GARRE1: variants seen among roughly 807,000 people sequenced by gnomAD.
GARRE1 encodes the protein granule associated Rac and RHOG effector protein 1.
A neutral mutation model predicts 103.2 loss-of-function variants in GARRE1; 49 were observed. The observed-to-expected ratio is 0.47, with a 90% CI of 0.38 to 0.60. The LOEUF (loss-of-function observed/expected upper bound fraction) is 0.60. GARRE1 is among the 20% of genes least tolerant of loss of function. GARRE1 has a pLI of 0.00. For missense variants in GARRE1, 1,199 were observed against 1,370.5 expected (o/e 0.87, Z 1.98); for synonymous variants, 505 against 532.8 (o/e 0.95, Z 0.72).
chr19:34,351,211 A>T (rs549970186), intron 12 of GARRE1, among the ~76,000 whole-genome samples: 22 of 149,698 alleles, frequency 1.5e-4, no homozygotes, highest in South Asian at 1.3e-3. Flanking sequence ...AAAAAAAAAA[A>T]AATAAAATAA....
intron 2 of GARRE1, among the ~76,000 whole-genome samples, chr19:34,308,134 T>A (rs1211797653): frequency 6.6e-6 from 1 of 151,678 alleles, no homozygotes. Context: ...TGGATAGATA[T>A]ATACCAGAAA....
At chr19:34,348,141 A>G (rs1329844668) in intron 11 of GARRE1, 99 bp downstream of exon 11, 2 of 1,075,700 alleles carry the variant, frequency 1.9e-6, no homozygotes, top group African/African-American at 1.6e-5. Context: ...CATTCTTTTC[A>G]GGCAGTTCAA....
chr19:34,348,060 C>A lies in GARRE1; in HGVS notation c.2687+18C>A. ...ACAGAAGGGTGAGTGCTGGGTACTT[C>A]AGGGAATCTGAGCTTGAGACCCAGG... On this transcript the variant is annotated intron_variant, in intron 11 of 13. Coordinates refer to ENST00000299505, the MANE Select transcript of GARRE1 (RefSeq NM_014686.5). The A allele has an allele frequency of 1.4e-6, 2 of 1,401,862 alleles. No individual in the cohort carries two copies. The highest frequency in any genetic ancestry group is 1.9e-6 in the Non-Finnish European group (2 of 1,066,868). The allele number at this position is 1,401,862 out of a possible 1,614,324, so 86.8% of individuals were successfully genotyped here.
At chr19:34,307,166 C>T (rs1193623813) in intron 2 of GARRE1, among the ~76,000 whole-genome samples, 2 of 152,078 alleles carry the variant, frequency 1.3e-5, no homozygotes, top group African/African-American at 4.8e-5. Context: ...AGGGGCCACT[C>T]TGGTGTCTGT....
intron 11 of GARRE1, 26 bp downstream of exon 11, chr19:34,348,068 C>T: frequency 7.2e-7 from 1 of 1,393,152 alleles, no homozygotes; most frequent in Non-Finnish European, 9.4e-7. Context: ...TTCAGGGAAT[C>T]TGAGCTTGAG....
intron 2 of GARRE1, among the ~76,000 whole-genome samples, chr19:34,307,581 GTA>G (rs1166082634): frequency 1.4e-5 from 2 of 144,844 alleles, no homozygotes; most frequent in East Asian, 4.0e-4. Flanking sequence ...ATATATGTAT[GTA>G]TATATATACA....
intron 2 of GARRE1, among the ~76,000 whole-genome samples, chr19:34,313,353 T>A (rs2074045340): frequency 6.6e-6 from 1 of 152,064 alleles, no homozygotes; most frequent in Non-Finnish European, 1.5e-5. Context: ...AGGAAGGAAA[T>A]GAAGCAAGGG....
At chr19:34,321,181 C>T (rs1230383199) in intron 3 of GARRE1, among the ~76,000 whole-genome samples, 6 of 148,082 alleles carry the variant, frequency 4.1e-5, no homozygotes, top group South Asian at 2.1e-4. Flanking sequence ...CTCGGCCTCC[C>T]GAGTAGCTGG....
At chr19:34,326,247 A>G (rs1433757914) in intron 3 of GARRE1, among the ~76,000 whole-genome samples, 1 of 152,234 alleles carries the variant, frequency 6.6e-6, no homozygotes, top group Non-Finnish European at 1.5e-5. Context: ...TTACGGCATT[A>G]TAGCTGCTAG....
At chr19:34,323,023 CTTTTTTTTTTT>C (rs71165649) in intron 3 of GARRE1, among the ~76,000 whole-genome samples, 2 of 66,666 alleles carry the variant, frequency 3.0e-5, no homozygotes, top group Non-Finnish European at 5.4e-5. Flanking sequence ...TATTTCTTTT[CTTTTTTTTTTT>C]TTTTTTTTTT....
At chr19:34,347,624 G>A (rs2074218085) in intron 10 of GARRE1, among the ~76,000 whole-genome samples, 1 of 152,134 alleles carries the variant, frequency 6.6e-6, no homozygotes, top group Non-Finnish European at 1.5e-5. Flanking sequence ...TTCACACTTA[G>A]CCTGCCTCTA....
In GARRE1 at chr19:34,355,355, T is replaced by G. The variant is rs2074266541; in HGVS notation, c.*2400T>G. ...CACTGGTAATTCCAGGTGCTGCGCT[T>G]GGCAGAGGGGTCTCGCCAAAGCGCA... On this transcript the variant is annotated 3_prime_UTR_variant, in exon 14 of 14. Transcript: ENST00000299505. The G allele has an allele frequency of 6.5e-6, 1 of 152,714 alleles. No homozygotes were observed. The highest frequency in any genetic ancestry group is 6.5e-5 in the Admixed American group (1 of 15,288). The allele number at this position is 152,714 out of a possible 1,614,324, so 9.5% of individuals were successfully genotyped here.
intron 10 of GARRE1, among the ~76,000 whole-genome samples, chr19:34,343,121 A>T: frequency 6.6e-6 from 1 of 152,220 alleles, no homozygotes; most frequent in South Asian, 2.1e-4. Context: ...TCTAAGCTTG[A>T]TTAAGGGAGA....
chr19:34,268,988 A>G (rs1041373485), intron 1 of GARRE1, among the ~76,000 whole-genome samples: 1 of 152,190 alleles, frequency 6.6e-6, no homozygotes, highest in Non-Finnish European at 1.5e-5. Flanking sequence ...TTCTTTATCT[A>G]TATTACTACT....
In GARRE1 at chr19:34,278,896, T is replaced by G. The variant is rs543113498; in HGVS notation, c.-795-20783T>G. Reference sequence around the variant, plus strand: ...CATGTTGCCCAGGCTAGTCTCAAACTGGCCTCAAGCGATCTTCCTACCTCA... The same window carrying G: ...CATGTTGCCCAGGCTAGTCTCAAACGGGCCTCAAGCGATCTTCCTACCTCA... On this transcript the variant is annotated intron_variant, in intron 1 of 13. Transcript: ENST00000299505. 3.9e-5 allele frequency among the ~76,000 whole-genome samples: 6 copies of G among 152,196 alleles called. No individual in the cohort carries two copies. In the South Asian group the frequency reaches 1.2e-3, roughly 32 times the overall value.
intron 2 of GARRE1, among the ~76,000 whole-genome samples, chr19:34,310,835 C>T (rs752235130): frequency 1.3e-5 from 2 of 152,192 alleles, no homozygotes; most frequent in African/African-American, 4.8e-5. Flanking sequence ...GGCCAGCCCT[C>T]ATACCAGAAC....
intron 1 of GARRE1, chr19:34,296,431 C>T (rs1486075308): frequency 3.8e-6 from 6 of 1,587,018 alleles, no homozygotes; most frequent in Non-Finnish European, 5.1e-6. Flanking sequence ...GCACACTTCC[C>T]AAGCTTGGGG....
chr19:34,255,056 C>T (rs954367172), intron 1 of GARRE1, among the ~76,000 whole-genome samples: 1 of 151,884 alleles, frequency 6.6e-6, no homozygotes, highest in African/African-American at 2.4e-5. Context: ...TGGGGCTAGC[C>T]GGGGAGGCGG....
At chr19:34,292,765 C>T (rs930195272) in intron 1 of GARRE1, among the ~76,000 whole-genome samples, 19 of 149,448 alleles carry the variant, frequency 1.3e-4, no homozygotes, top group Admixed American at 4.0e-4. Flanking sequence ...TTTTGAGTCT[C>T]GCTCCATCAC....
Sources: gnomAD v4.1 joint callset for allele counts (sites outside exome capture counted in the v4.1 genomes callset) on GRCh38, gnomAD v4.1.1 for gene constraint, MANE v1.5 for transcripts, NCBI Gene and HGNC (gene_info 2026-07-23, HGNC 2026-07-21) for gene names.